ARHGAP35: variants seen among roughly 807,000 people sequenced by gnomAD.
ARHGAP35 encodes rho GTPase-activating protein 35.
In ARHGAP35, 15 loss-of-function variants were observed where a neutral mutation model predicts 111.1. The ratio of observed to expected loss-of-function variants is 0.13; its 90% CI spans 0.09 to 0.21. The LOEUF is 0.21. Ranked by LOEUF, ARHGAP35 falls within the 10% of genes least tolerant of loss-of-function variation. ARHGAP35 has a pLI of 1.00. For synonymous variants in ARHGAP35, 643 were observed against 710.3 expected, an observed-to-expected ratio of 0.91 and a Z score of 1.51; for missense variants, 1,262 against 1,873.0, an observed-to-expected ratio of 0.67 and a Z score of 6.02.
At chr19:46,950,485 A>G (rs567176674) in intron 3 of ARHGAP35, among the ~76,000 whole-genome samples, 1 of 152,342 alleles carries the variant, frequency 6.6e-6, no homozygotes, top group Admixed American at 6.5e-5. Flanking sequence ...CATGTTGGAC[A>G]CAATGATTTA....
At chr19:46,934,772 C>T (rs929136760) in intron 2 of ARHGAP35, among the ~76,000 whole-genome samples, 3 of 152,046 alleles carry the variant, frequency 2.0e-5, no homozygotes, top group Non-Finnish European at 2.9e-5. Context: ...TGGGCTCAGG[C>T]GATCCTCCCA....
Position 46,919,731 on chromosome 19 carries a change from A to T in ARHGAP35, c.1056A>T (p.Ile352=). ...AALPLAFEAL[I]PNLDEIDHLS... ...TGCCATTAGCTTTTGAAGCTCTTAT[A>T]CCTAATCTAGATGAAATAGACCACC... Residue 352 remains isoleucine (I), a synonymous_variant, in exon 2 of 7, where the codon ATA becomes ATT. Transcript: ENST00000672722. The surrounding 1 kb of genome is among the most constrained non-coding windows in gnomAD (Gnocchi z 6.2). The T allele has an allele frequency of 6.2e-7, 1 of 1,614,042 alleles. No individual in the cohort carries two copies. The highest frequency in any genetic ancestry group is 8.5e-7 in the Non-Finnish European group (1 of 1,179,892).
intron 1 of ARHGAP35, among the ~76,000 whole-genome samples, chr19:46,862,089 C>G (rs182505889): frequency 6.6e-6 from 1 of 152,138 alleles, no homozygotes; most frequent in Non-Finnish European, 1.5e-5. Context: ...CATTCAGACC[C>G]TTTCCTCTCT....
At chr19:46,950,298 T>A (rs2056404112) in intron 3 of ARHGAP35, among the ~76,000 whole-genome samples, 3 of 152,360 alleles carry the variant, frequency 2.0e-5, no homozygotes, top group Admixed American at 1.3e-4. Flanking sequence ...ATGTGAATAT[T>A]CCACAATTTC....
At position 47,001,149 on chromosome 19, in the gene ARHGAP35, C is replaced by T. The variant is rs1423144883; in HGVS notation, c.*461C>T. 4.1e-6 allele frequency: 5 copies of T among 1,227,422 alleles called. No individual in the cohort carries two copies. The highest frequency in any genetic ancestry group is 2.9e-5 in the Admixed American group (1 of 33,924). The allele number at this position is 1,227,422 out of a possible 1,614,324, so 76.0% of individuals were successfully genotyped here. A position where few individuals can be genotyped will look rare whatever the true frequency, so the allele number is the denominator to read the frequency against. On this transcript the variant is annotated 3_prime_UTR_variant, in exon 7 of 7. Transcript: ENST00000672722. The surrounding 1 kb of genome is among the most constrained non-coding windows in gnomAD (Gnocchi z 5.4). ...TGTCTCTTCCCACCTTCCATCTGCA[C>T]ACACCCCCAAGGTAAGGGTACAGCC...
intron 1 of ARHGAP35, among the ~76,000 whole-genome samples, chr19:46,880,639 C>T (rs1305097386): frequency 6.6e-6 from 1 of 152,040 alleles, no homozygotes; most frequent in Non-Finnish European, 1.5e-5. Flanking sequence ...ATATTGTGAG[C>T]TCTCTCATGA....
Position 46,880,548 on chromosome 19 carries a change from CTT to C in ARHGAP35, c.-189+19341_-189+19342del, listed in dbSNP as rs201750306. 7.9e-3 allele frequency among the ~76,000 whole-genome samples: 1,198 copies of C among 152,332 alleles called. 8 individuals are homozygous for C. The highest frequency in any genetic ancestry group is 0.027 in the African/African-American group (1,123 of 41,584). ...TCACTTTCCACCACATCTGTGGTGA[CTT>C]TATTCAATGAAGTCTTGAACTTCTC... On this transcript the variant is annotated intron_variant, in intron 1 of 6. Coordinates refer to ENST00000672722, the MANE Select transcript of ARHGAP35 (RefSeq NM_004491.5).
chr19:46,988,419 C>A lies in ARHGAP35; in HGVS notation c.3904+353C>A. On this transcript the variant is annotated intron_variant, in intron 4 of 6. Transcript: ENST00000672722. This position sits in a 1 kb window ranked among gnomAD's most constrained non-coding sequence, Gnocchi z 5.4. ...AGTTGCAGGCACATGATATACAAGT[C>A]GGGTTGAGATGTGATCCTGTTTTGC... 1 of 268,366 alleles carries A rather than the reference C, an allele frequency of 3.7e-6. No homozygotes were observed. Among genetic ancestry groups the A allele is most frequent in the Non-Finnish European group, 7.4e-6 (1 of 134,900 alleles). 16.6% of individuals were successfully genotyped at this position (268,366 alleles called of 1,614,324 possible).
At chr19:46,961,385 C>T (rs567867878) in intron 3 of ARHGAP35, among the ~76,000 whole-genome samples, 1 of 152,152 alleles carries the variant, frequency 6.6e-6, no homozygotes, top group Admixed American at 6.5e-5. Context: ...AGGATAGGTA[C>T]ATTTTATATT....
Position 46,919,480 on chromosome 19 carries a change from C to G in ARHGAP35, c.805C>G (p.Gln269Glu). The change falls in exon 2 of 7, where the codon CAG becomes GAG. Residue 269 changes from glutamine to glutamate, a missense_variant. Transcript: ENST00000672722. The surrounding 1 kb of genome is among the most constrained non-coding windows in gnomAD (Gnocchi z 6.2). Reference protein sequence around the residue: ...YFEALKQQSQQIATAKDKYEW... With the variant: ...YFEALKQQSQEIATAKDKYEW... ...TGAAGCTCTCAAGCAGCAGAGTCAG[C>G]AGATAGCTACAGCAAAAGACAAGTA... The G allele has an allele frequency of 6.2e-7, 1 of 1,613,902 alleles. No homozygotes were observed. Among genetic ancestry groups the G allele is most frequent in the South Asian group, 1.1e-5 (1 of 91,088 alleles).
At chr19:46,881,069 C>T (rs910763817) in intron 1 of ARHGAP35, among the ~76,000 whole-genome samples, 7 of 152,022 alleles carry the variant, frequency 4.6e-5, no homozygotes, top group South Asian at 2.1e-4. Flanking sequence ...CTCAGCCTCC[C>T]GAGTAGCTGG....
At chr19:46,977,416 C>T (rs1599860197) in intron 3 of ARHGAP35, among the ~76,000 whole-genome samples, 1 of 152,362 alleles carries the variant, frequency 6.6e-6, no homozygotes, top group African/African-American at 2.4e-5. Flanking sequence ...ATGCTGGCCC[C>T]AGTAAGGCAC....
At chr19:46,954,918 A>G (rs1199313160) in intron 3 of ARHGAP35, among the ~76,000 whole-genome samples, 2 of 152,158 alleles carry the variant, frequency 1.3e-5, no homozygotes, top group African/African-American at 4.8e-5. Context: ...GGGCTTAATC[A>G]ATAATGAGGT....
chr19:46,903,703 AC>A (rs1185879258), intron 1 of ARHGAP35, among the ~76,000 whole-genome samples: 2 of 152,226 alleles, frequency 1.3e-5, no homozygotes, highest in African/African-American at 2.4e-5. Flanking sequence ...TCCTGATATT[AC>A]TGGCCAAGCA....
chr19:46,962,296 C>T (rs951650259), intron 3 of ARHGAP35, among the ~76,000 whole-genome samples: 1 of 152,200 alleles, frequency 6.6e-6, no homozygotes, highest in South Asian at 2.1e-4. Context: ...ATGAGCAGCT[C>T]AGGGTTTCTG....
chr19:46,952,642 A>C (rs972917285), intron 3 of ARHGAP35, among the ~76,000 whole-genome samples: 1 of 152,190 alleles, frequency 6.6e-6, no homozygotes, highest in African/African-American at 2.4e-5. Context: ...CCACCTTATT[A>C]GGACTATGAG....
At chr19:46,865,482 G>A (rs952693131) in intron 1 of ARHGAP35, among the ~76,000 whole-genome samples, 7 of 151,958 alleles carry the variant, frequency 4.6e-5, no homozygotes, top group African/African-American at 1.7e-4. Context: ...ATCCAGAAGA[G>A]AAGAAGTTGA....
At chr19:46,951,798 C>T (rs2056414680) in intron 3 of ARHGAP35, among the ~76,000 whole-genome samples, 1 of 152,158 alleles carries the variant, frequency 6.6e-6, no homozygotes, top group African/African-American at 2.4e-5. Context: ...CTTCAAGACC[C>T]AGTATGGGTG....
intron 1 of ARHGAP35, among the ~76,000 whole-genome samples, chr19:46,888,887 T>A (rs1288810499): frequency 6.7e-6 from 1 of 148,816 alleles, no homozygotes; most frequent in East Asian, 2.0e-4. Flanking sequence ...CACGTGCCTG[T>A]AGTACCAGCT....
Sources: allele counts gnomAD v4.1 joint callset (sites outside exome capture counted in the v4.1 genomes callset), GRCh38; gene constraint gnomAD v4.1.1; non-coding constraint Gnocchi (gnomAD v3.1); transcripts MANE v1.5; gene names NCBI Gene and HGNC (gene_info 2026-07-23, HGNC 2026-07-21).